FAXDC2: variants seen among roughly 807,000 people sequenced by gnomAD.
FAXDC2 encodes fatty acid hydroxylase domain containing 2, also known as fatty acid hydroxylase domain-containing protein 2.
Under a neutral mutation model 40.9 loss-of-function variants are expected in FAXDC2, and 41 were observed. The ratio of observed to expected loss-of-function variants is 1.00; its 90% CI spans 0.78 to 1.30. The LOEUF is 1.30. FAXDC2 is among the 50% of genes most tolerant of loss of function. FAXDC2 has a pLI of 0.00. For missense variants in FAXDC2, 390 were observed against 408.8 expected (o/e 0.95, Z 0.40); for synonymous variants, 157 against 149.3 (o/e 1.05, Z -0.38).
chr5:154,848,197 T>C (rs1760649388), intron 1 of FAXDC2, among the ~76,000 whole-genome samples: 1 of 152,224 alleles, frequency 6.6e-6, no homozygotes. Context: ...ATGTGTATTG[T>C]TTTGTAAACA....
At chr5:154,827,203 G>C (rs1418545328) in intron 5 of FAXDC2, among the ~76,000 whole-genome samples, 3 of 151,972 alleles carry the variant, frequency 2.0e-5, no homozygotes. Flanking sequence ...TACTTGGAAG[G>C]CTGAGGCAGG....
Position 154,821,298 on chromosome 5 carries a change from G to A in FAXDC2, c.807C>T (p.Phe269=), listed in dbSNP as rs764441888. ...AGTCGTGGAATTCAGGCGAAGGCAG[G>A]AAGGGAAGGTGGTAGCCACAGTGGG... The part of the protein sequence containing the change: ...TISHCGYHLP[F]LPSPEFHDYH... The change falls in exon 8 of 9, where the codon TTC becomes TTT. Residue 269 remains phenylalanine (F), a synonymous_variant. Transcript: ENST00000326080. The A allele has an allele frequency of 1.2e-6, 2 of 1,612,074 alleles. No homozygotes were observed. The highest frequency in any genetic ancestry group is 2.7e-5 in the African/African-American group (2 of 74,698).
At chr5:154,824,425 G>C in intron 5 of FAXDC2, 1 of 695,542 alleles carries the variant, frequency 1.4e-6, no homozygotes, top group Admixed American at 2.0e-5. Context: ...CCCAAAGCGC[G>C]ACAGGTTCAG....
Position 154,820,344 on chromosome 5 carries a change from A to G in FAXDC2, c.974T>C (p.Ile325Thr). 2 of 1,612,686 alleles carry G rather than the reference A, an allele frequency of 1.2e-6. No homozygotes were observed. The highest frequency in any genetic ancestry group is 1.7e-6 in the Non-Finnish European group (2 of 1,179,394). ...CTCCATCCTCTTTGGGGAGTCTGGG[A>G]TGCTCTCAGAGAGCGGGGTGAAGCC... Reference protein sequence around the residue: ...LLGFTPLSESIPDSPKRME With the variant: ...LLGFTPLSESTPDSPKRME Residue 325 changes from isoleucine to threonine, a missense_variant, in exon 9 of 9, where the codon ATC becomes ACC. By Grantham distance (89) the Ile-to-Thr change is moderately conservative (BLOSUM62 -1). Transcript: ENST00000326080.
Position 154,819,134 on chromosome 5 carries a change from C to G in FAXDC2, c.*1182G>C, listed in dbSNP as rs1035637731. 1 of 152,168 alleles carries G rather than the reference C, an allele frequency of 6.6e-6. No homozygotes were observed. The highest frequency in any genetic ancestry group is 1.5e-5 in the Non-Finnish European group (1 of 68,038). The allele number at this position is 152,168 out of a possible 1,614,324, so 9.4% of individuals were successfully genotyped here. ...ACAGTGGATGTTTTTCTTAAGAGAA[C>G]TGAAAGTTGGAAAAGGCACAAGTAT... On this transcript the variant is annotated 3_prime_UTR_variant, in exon 9 of 9. Transcript: ENST00000326080.
In FAXDC2 at chr5:154,838,154, G is replaced by A. The variant is rs770046390; in HGVS notation, c.25C>T (p.Leu9=). The A allele has an allele frequency of 9.9e-6, 16 of 1,613,262 alleles. No individual in the cohort carries two copies. The South Asian group carries it at 1.8e-4, about 18-fold the overall frequency. MKGEAGHM[L]HNEKSKQEGH... ...ACCTGCTTTGACTTTTCATTGTGTA[G>A]CATATGTCCAGCTTCTCCTTTCATC... The change falls in exon 2 of 9, where the codon CTA becomes TTA. Residue 9 remains leucine (L), a synonymous_variant. Transcript: ENST00000326080.
chr5:154,832,657 A>C (rs1369090642), intron 4 of FAXDC2, among the ~76,000 whole-genome samples: 1 of 152,248 alleles, frequency 6.6e-6, no homozygotes, highest in African/African-American at 2.4e-5. Flanking sequence ...AGACGATCTT[A>C]AACTTCTTCT....
In FAXDC2 at chr5:154,834,787, A is replaced by T. The variant is rs948676926; in HGVS notation, c.140+56T>A. The T allele has an allele frequency of 1.8e-5, 29 of 1,590,780 alleles. No individual in the cohort carries two copies. In the East Asian group the frequency reaches 6.3e-4, roughly 34 times the overall value. On this transcript the variant is annotated intron_variant, in intron 3 of 8. Transcript: ENST00000326080. Reference sequence around the variant, plus strand: ...TAGTGGGTGGACAGCTCCTTCCCCTATGCTCTGCCCCCGACCACCACCACA... The same window carrying T: ...TAGTGGGTGGACAGCTCCTTCCCCTTTGCTCTGCCCCCGACCACCACCACA...
At chr5:154,846,618 C>G (rs993737040) in intron 1 of FAXDC2, among the ~76,000 whole-genome samples, 1 of 151,930 alleles carries the variant, frequency 6.6e-6, no homozygotes, top group African/African-American at 2.4e-5. Flanking sequence ...CTCCTGGGCT[C>G]AAGTGATGTT....
At chr5:154,842,512 G>GT (rs772426610) in intron 1 of FAXDC2, among the ~76,000 whole-genome samples, 6,927 of 51,606 alleles carry the variant, frequency 0.13, 2,708 homozygotes, top group Non-Finnish European at 0.19. Context: ...CCCTTTGTGT[G>GT]TTTTTTTTTT....
At chr5:154,836,821 C>G (rs1403173645) in intron 2 of FAXDC2, among the ~76,000 whole-genome samples, 1 of 152,032 alleles carries the variant, frequency 6.6e-6, no homozygotes, top group African/African-American at 2.4e-5. Flanking sequence ...ATTGCAGGTG[C>G]CTGCCACCAA....
intron 1 of FAXDC2, among the ~76,000 whole-genome samples, chr5:154,849,034 C>T (rs1435340348): frequency 6.6e-6 from 1 of 150,804 alleles, no homozygotes; most frequent in African/African-American, 2.4e-5. Flanking sequence ...AATCTCATAA[C>T]TTTGGGAGGC....
intron 5 of FAXDC2, among the ~76,000 whole-genome samples, chr5:154,826,883 A>G (rs1468696637): frequency 6.6e-6 from 1 of 152,188 alleles, no homozygotes; most frequent in African/African-American, 2.4e-5. Flanking sequence ...TTATATTTTT[A>G]TATATAAAGC....
intron 4 of FAXDC2, among the ~76,000 whole-genome samples, chr5:154,832,355 T>A (rs1456711176): frequency 3.3e-5 from 5 of 151,852 alleles, no homozygotes; most frequent in Non-Finnish European, 7.4e-5. Context: ...CTGGGACTAC[T>A]GGCGCCCGCC....
intron 5 of FAXDC2, among the ~76,000 whole-genome samples, chr5:154,830,028 G>A (rs1760148944): frequency 6.6e-6 from 1 of 152,206 alleles, no homozygotes; most frequent in African/African-American, 2.4e-5. Context: ...CTGGGCTGGG[G>A]CAAAAGGACC....
At chr5:154,845,087 G>A (rs539509345) in intron 1 of FAXDC2, among the ~76,000 whole-genome samples, 63 of 152,110 alleles carry the variant, frequency 4.1e-4, no homozygotes, top group Admixed American at 2.0e-4. Flanking sequence ...CTTTAGTTAC[G>A]CCAATATGGC....
At position 154,834,661 on chromosome 5, in the gene FAXDC2, T is replaced by C. The variant is rs1312314808; in HGVS notation, c.208A>G (p.Thr70Ala). 1 of 1,613,892 alleles carries C rather than the reference T, an allele frequency of 6.2e-7. No individual in the cohort carries two copies. ...AGGATCCACTCCTTCCCTTCAAATG[T>C]AGTCAGCAGCCTCTCCCACTGGGCT... is the stretch of plus-strand genomic sequence containing the variant. ...WQAQWERLLTTFEGKEWILFF... is the reference protein window; with the variant it reads ...WQAQWERLLTAFEGKEWILFF... The change falls in exon 4 of 9, where the codon ACA (threonine) becomes GCA (alanine). Residue 70 changes from threonine (T) to alanine (A), a missense_variant. By Grantham distance (58) the Thr-to-Ala change is moderately conservative (BLOSUM62 0). Transcript: ENST00000326080.
chr5:154,827,000 G>A (rs1417745243), intron 5 of FAXDC2, among the ~76,000 whole-genome samples: 1 of 152,118 alleles, frequency 6.6e-6, no homozygotes, highest in African/African-American at 2.4e-5. Context: ...ATTACAGGAT[G>A]TTGGGGAAAA....
rs759277946 is a variant in FAXDC2, at chr5:154,823,574, G to A, written c.385C>T (p.Arg129Cys). 4.3e-6 allele frequency: 7 copies of A among 1,613,910 alleles called. No individual in the cohort carries two copies. The highest frequency in any genetic ancestry group is 2.7e-5 in the African/African-American group (2 of 74,932). Residue 129 changes from arginine to cysteine, a missense_variant, in exon 6 of 9, where the codon CGC becomes TGC. Coordinates refer to ENST00000326080, the MANE Select transcript of FAXDC2 (RefSeq NM_032385.5). ...KNEPVDPVKL[R>C]QSIRTVLFNQ... is the part of the protein sequence containing the mutation. ...AAAAGAACTGTGCGGATAGACTGGC[G>A]CAGTTTCACAGGATCCACCTGCCCA... is the stretch of plus-strand genomic sequence containing the variant.
Sources: allele counts gnomAD v4.1 joint callset (sites outside exome capture counted in the v4.1 genomes callset), GRCh38; gene constraint gnomAD v4.1.1; transcripts MANE v1.5; gene names NCBI Gene and HGNC (gene_info 2026-07-23, HGNC 2026-07-21).